Variants in RASA3 observed in about 807,000 individuals in gnomAD.
The protein encoded by RASA3 is RAS p21 protein activator 3, also known as ras GTPase-activating protein 3.
A neutral mutation model predicts 110.0 loss-of-function variants in RASA3; 73 were observed. The observed-to-expected ratio is 0.66, with a 90% CI of 0.55 to 0.81. The LOEUF (loss-of-function observed/expected upper bound fraction) is 0.81. Ranked by LOEUF, RASA3 falls within the 30% of genes least tolerant of loss-of-function variation. RASA3 has a pLI of 0.00. For synonymous variants in RASA3, 500 were observed against 451.4 expected (o/e 1.11, Z -1.37); for missense variants, 976 against 1,113.2 (o/e 0.88, Z 1.75).
Position 114,057,457 on chromosome 13 carries a change from G to A in RASA3, c.174-5302C>T. 2 of 985,416 alleles carry A rather than the reference G, an allele frequency of 2.0e-6. No homozygotes were observed. Among genetic ancestry groups the A allele is most frequent in the Non-Finnish European group, 2.4e-6 (2 of 829,924 alleles). 61.0% of individuals were successfully genotyped at this position (985,416 alleles called of 1,614,324 possible). A position where few individuals can be genotyped will look rare whatever the true frequency, so the allele number is the denominator to read the frequency against. The stretch of plus-strand genomic sequence containing the variant: ...AATGAAGGCTCTGCAGGATTTCAAG[G>A]AAAGCTGGAGCCAGTCTCTGTGCCA... On this transcript the variant is annotated intron_variant, in intron 2 of 23. Coordinates refer to ENST00000334062, the MANE Select transcript of RASA3 (RefSeq NM_007368.4). The surrounding 1 kb of genome is among the most constrained non-coding windows in gnomAD (Gnocchi z 5.0).
intron 2 of RASA3, among the ~76,000 whole-genome samples, chr13:114,055,760 A>G (rs1447551222): frequency 1.3e-5 from 2 of 152,298 alleles, no homozygotes; most frequent in Admixed American, 1.3e-4. Flanking sequence ...CAGAGCCCCA[A>G]GAACCAAGGG....
chr13:114,097,453 T>C (rs961365806), intron 1 of RASA3, among the ~76,000 whole-genome samples: 3 of 152,204 alleles, frequency 2.0e-5, no homozygotes, highest in Non-Finnish European at 4.4e-5. Context: ...CGCTGCTACA[T>C]GAGACAGAAC....
rs534183137 is a variant in RASA3 at position 114,096,374 on chromosome 13, C to T, written c.56-22537G>A. ...CAACAGCATCTCAGCCGTTGTCCGA[C>T]ACTGGGTGATTCTGCACGCCCGGCT... is the stretch of plus-strand genomic sequence containing the variant. On this transcript the variant is annotated intron_variant, in intron 1 of 23. Coordinates refer to ENST00000334062, the MANE Select transcript of RASA3 (RefSeq NM_007368.4). This position sits in a 1 kb window ranked among gnomAD's most constrained non-coding sequence, Gnocchi z 5.1. 2.0e-5 allele frequency among the ~76,000 whole-genome samples: 3 copies of T among 152,146 alleles called. No homozygotes were observed. The highest frequency in any genetic ancestry group is 1.3e-4 in the Admixed American group (2 of 15,282).
intron 4 of RASA3, among the ~76,000 whole-genome samples, chr13:114,035,038 GCT>G (rs2054254273): frequency 6.6e-6 from 1 of 151,326 alleles, no homozygotes; most frequent in Non-Finnish European, 1.5e-5. Flanking sequence ...AGATCTGAAC[GCT>G]GACCTGAGCT....
At chr13:114,078,847 T>TC (rs2079734467) in intron 1 of RASA3, among the ~76,000 whole-genome samples, 1 of 152,146 alleles carries the variant, frequency 6.6e-6, no homozygotes, top group Non-Finnish European at 1.5e-5. Context: ...ACACAGGGTC[T>TC]CCAAGTGCTG....
chr13:114,087,199 G>A (rs1306633101), intron 1 of RASA3, among the ~76,000 whole-genome samples: 2 of 108,588 alleles, frequency 1.8e-5, no homozygotes, highest in Admixed American at 1.9e-4. Context: ...CTGGAGTATC[G>A]ACTCCCTTCG....
chr13:113,990,600 C>A (rs1478497652), intron 22 of RASA3, among the ~76,000 whole-genome samples: 1 of 152,248 alleles, frequency 6.6e-6, no homozygotes, highest in Non-Finnish European at 1.5e-5. Context: ...AGGCCTTGTG[C>A]CATCTTCACA....
chr13:114,019,643 A>G (rs1208426645), intron 9 of RASA3, among the ~76,000 whole-genome samples: 1 of 148,624 alleles, frequency 6.7e-6, no homozygotes, highest in Non-Finnish European at 1.5e-5. Flanking sequence ...AGGTAGGTGG[A>G]GCCTGTGTCC....
At chr13:114,113,164 C>A (rs1335311064) in intron 1 of RASA3, among the ~76,000 whole-genome samples, 2 of 152,188 alleles carry the variant, frequency 1.3e-5, no homozygotes, top group Non-Finnish European at 2.9e-5. Flanking sequence ...TGGGCTGTTT[C>A]CACGGATGAG....
At chr13:114,016,353 C>G in intron 12 of RASA3, 82 bp from the exon 13 acceptor site, 1 of 1,066,482 alleles carries the variant, frequency 9.4e-7, no homozygotes, top group Non-Finnish European at 1.5e-6. Flanking sequence ...TCAGGCCTGG[C>G]TGAGATGTAG....
chr13:114,020,571 C>T (rs1318964805), intron 9 of RASA3, among the ~76,000 whole-genome samples: 4 of 152,222 alleles, frequency 2.6e-5, no homozygotes, highest in South Asian at 4.1e-4. Context: ...ACACAGTCCA[C>T]GCCTGGGAGT....
chr13:114,075,392 A>T (rs1399173153), intron 1 of RASA3, among the ~76,000 whole-genome samples: 1 of 152,156 alleles, frequency 6.6e-6, no homozygotes, highest in Non-Finnish European at 1.5e-5. Context: ...TTCATCCACA[A>T]TATTAACCTG....
intron 5 of RASA3, among the ~76,000 whole-genome samples, chr13:114,028,625 GC>G: frequency 1.3e-5 from 2 of 148,360 alleles, no homozygotes; most frequent in South Asian, 2.2e-4. Flanking sequence ...CATCCTGGGG[GC>G]CAGGACCTCT....
rs577018068 is a variant in RASA3 at position 113,981,006 on chromosome 13, G to A, written c.2429+669C>T. Among the ~76,000 whole-genome samples the A allele has an allele frequency of 1.6e-4, 25 of 152,316 alleles. No individual in the cohort carries two copies. The South Asian group carries it at 4.8e-3, about 29-fold the overall frequency. On this transcript the variant is annotated intron_variant, in intron 23 of 23. Coordinates refer to ENST00000334062, the MANE Select transcript of RASA3 (RefSeq NM_007368.4). ...TACCCGCCCCTGAATGAGCCCGTGT[G>A]GGGGCTTCTGCCATGGTGGACCTGG...
chr13:114,107,248 T>G (rs1034510682), intron 1 of RASA3, among the ~76,000 whole-genome samples: 6 of 151,984 alleles, frequency 3.9e-5, no homozygotes, highest in Non-Finnish European at 7.4e-5. Flanking sequence ...CACGTTCGTG[T>G]CCTGGTCTTC....
intron 4 of RASA3, among the ~76,000 whole-genome samples, chr13:114,034,526 G>A (rs1330246965): frequency 2.6e-5 from 4 of 152,202 alleles, no homozygotes; most frequent in African/African-American, 9.6e-5. Context: ...TCCTGAGGCT[G>A]CTCCTGTTCC....
At chr13:114,036,898 C>T (rs190925963) in intron 4 of RASA3, among the ~76,000 whole-genome samples, 2 of 152,268 alleles carry the variant, frequency 1.3e-5, no homozygotes, top group East Asian at 1.9e-4. Context: ...TGTCACGCTA[C>T]GTTTTGGGCG....
At chr13:114,121,403 T>C (rs1389467895) in intron 1 of RASA3, among the ~76,000 whole-genome samples, 1 of 152,170 alleles carries the variant, frequency 6.6e-6, no homozygotes, top group Non-Finnish European at 1.5e-5. Flanking sequence ...CAGCACAGAT[T>C]GGCCCGTGTC....
Position 114,056,782 on chromosome 13 carries a change from C to A in RASA3, c.174-4627G>T, listed in dbSNP as rs1370431440. 2 of 652,952 alleles carry A rather than the reference C, an allele frequency of 3.1e-6. No individual in the cohort carries two copies. The highest frequency in any genetic ancestry group is 6.8e-5 in the South Asian group (1 of 14,736). The allele number at this position is 652,952 out of a possible 1,614,324, so 40.4% of individuals were successfully genotyped here. A position where few individuals can be genotyped will look rare whatever the true frequency, so the allele number is the denominator to read the frequency against. Reference sequence around the variant, plus strand: ...ACATACGAACTCCATAAAATTATCACCACAGACTGGACGTGCCCCTTTCTA... The same window carrying A: ...ACATACGAACTCCATAAAATTATCAACACAGACTGGACGTGCCCCTTTCTA... On this transcript the variant is annotated intron_variant, in intron 2 of 23. Coordinates refer to ENST00000334062, the MANE Select transcript of RASA3 (RefSeq NM_007368.4). This position sits in a 1 kb window ranked among gnomAD's most constrained non-coding sequence, Gnocchi z 5.7.
Sources: gnomAD v4.1 joint callset for allele counts (sites outside exome capture counted in the v4.1 genomes callset) on GRCh38, gnomAD v4.1.1 for gene constraint, Gnocchi (gnomAD v3.1) non-coding constraint, MANE v1.5 for transcripts, NCBI Gene and HGNC (gene_info 2026-07-23, HGNC 2026-07-21) for gene names.